Variants in MTFR1 observed in about 807,000 individuals in gnomAD.
MTFR1 encodes mitochondrial fission regulator 1.
Under a neutral mutation model 38.8 loss-of-function variants are expected in MTFR1, and 28 were observed. The observed-to-expected ratio is 0.72, with a 90% CI of 0.53 to 0.99. The LOEUF is 0.99. Among genes scored for constraint, MTFR1 ranks in the 50% least tolerant of loss-of-function variants. The pLI is 0.00. For synonymous variants in MTFR1, 145 were observed against 137.0 expected (o/e 1.06, Z -0.41); for missense variants, 358 against 395.5 (o/e 0.91, Z 0.81).
chr8:65,767,328 G>A (rs1808840977), intron 3 of MTFR1, among the ~76,000 whole-genome samples: 1 of 152,186 alleles, frequency 6.6e-6, no homozygotes, highest in South Asian at 2.1e-4. Flanking sequence ...CAGAGACTGT[G>A]CTTTCTGTTG....
intron 6 of MTFR1, among the ~76,000 whole-genome samples, 182 bp downstream of exon 6, chr8:65,707,438 T>G (rs942699012): frequency 2.0e-5 from 3 of 152,256 alleles, no homozygotes; most frequent in Non-Finnish European, 4.4e-5. Flanking sequence ...AAGCTAACAT[T>G]TCCCAGGTGA....
intron 5 of MTFR1, among the ~76,000 whole-genome samples, chr8:65,705,354 G>T (rs1805753949): frequency 6.6e-6 from 1 of 152,082 alleles, no homozygotes; most frequent in Non-Finnish European, 1.5e-5. Flanking sequence ...AAAAAAACCA[G>T]GTGTCAGTCC....
intron 2 of MTFR1, among the ~76,000 whole-genome samples, chr8:65,675,636 C>T (rs1804690523): frequency 1.3e-5 from 2 of 152,008 alleles, no homozygotes; most frequent in East Asian, 1.9e-4. Flanking sequence ...TTATAAATAC[C>T]TTAACTCATT....
At chr8:65,744,468 C>T (rs902554539) in intron 3 of MTFR1, among the ~76,000 whole-genome samples, 7 of 151,966 alleles carry the variant, frequency 4.6e-5, no homozygotes, top group South Asian at 4.1e-4. Context: ...TGTTTCTGTC[C>T]GCAAAGAGAA....
chr8:65,713,889 T>C (rs1395998461), downstream of MTFR1, among the ~76,000 whole-genome samples: 1 of 152,076 alleles, frequency 6.6e-6, no homozygotes. Context: ...GGTTTCGCCA[T>C]GTTGGCCAGG....
At chr8:65,686,124 G>A (rs1327418612) in intron 3 of MTFR1, among the ~76,000 whole-genome samples, 2 of 152,102 alleles carry the variant, frequency 1.3e-5, no homozygotes, top group Admixed American at 6.6e-5. Context: ...AAATTTAACC[G>A]TGTGTTTCAA....
At chr8:65,755,668 T>C (rs1025613109) in intron 3 of MTFR1, among the ~76,000 whole-genome samples, 1 of 152,260 alleles carries the variant, frequency 6.6e-6, no homozygotes, top group Non-Finnish European at 1.5e-5. Flanking sequence ...ACCAAAAATA[T>C]AACACTGGTT....
intron 3 of MTFR1, among the ~76,000 whole-genome samples, chr8:65,687,475 AG>A (rs2129054839): frequency 6.6e-6 from 1 of 151,642 alleles, no homozygotes; most frequent in Non-Finnish European, 1.5e-5. Flanking sequence ...CCTTCCAAGT[AG>A]CTGGGGCTAC....
chr8:65,741,987 T>C (rs574755538), intron 3 of MTFR1, among the ~76,000 whole-genome samples: 1 of 152,274 alleles, frequency 6.6e-6, no homozygotes, highest in South Asian at 2.1e-4. Flanking sequence ...GTACTACCCA[T>C]ATGTAATTGA....
downstream of MTFR1, among the ~76,000 whole-genome samples, chr8:65,711,008 G>T (rs1056733807): frequency 2.6e-5 from 4 of 152,188 alleles, no homozygotes; most frequent in Non-Finnish European, 5.9e-5. Flanking sequence ...GAGAGAGAGA[G>T]AGAGAGAATA....
intron 1 of MTFR1, among the ~76,000 whole-genome samples, chr8:65,662,246 C>G (rs971986335): frequency 6.6e-6 from 1 of 152,090 alleles, no homozygotes; most frequent in African/African-American, 2.4e-5. Flanking sequence ...TGCAGGCGCG[C>G]GCCGCCACGC....
chr8:65,725,954 G>T (rs903179010), intron 3 of MTFR1, among the ~76,000 whole-genome samples: 5 of 152,044 alleles, frequency 3.3e-5, no homozygotes, highest in South Asian at 2.1e-4. Context: ...CAGAAGTATT[G>T]TCATACTCCA....
At chr8:65,664,820 T>C (rs1011835433) in intron 1 of MTFR1, among the ~76,000 whole-genome samples, 2 of 151,958 alleles carry the variant, frequency 1.3e-5, no homozygotes, top group Non-Finnish European at 2.9e-5. Flanking sequence ...ACTCCTAACC[T>C]TAGGTGATCT....
At chr8:65,695,723 C>T (rs1310540285) in intron 4 of MTFR1, among the ~76,000 whole-genome samples, 1 of 152,026 alleles carries the variant, frequency 6.6e-6, no homozygotes, top group Non-Finnish European at 1.5e-5. Context: ...GTAGTCTAGT[C>T]TGGAATATAT....
At chr8:65,734,394 T>C (rs553901506) in intron 3 of MTFR1, among the ~76,000 whole-genome samples, 5 of 152,198 alleles carry the variant, frequency 3.3e-5, no homozygotes, top group Non-Finnish European at 7.4e-5. Context: ...TTCAGGCTTT[T>C]GGTCTTGATA....
chr8:65,749,712 A>G (rs1462695290), intron 3 of MTFR1, among the ~76,000 whole-genome samples: 1 of 152,238 alleles, frequency 6.6e-6, no homozygotes, highest in African/African-American at 2.4e-5. Flanking sequence ...CCTACAAGAA[A>G]TTAAATAACT....
intron 3 of MTFR1, among the ~76,000 whole-genome samples, chr8:65,750,525 T>TGA (rs1435339069): frequency 6.6e-6 from 1 of 151,558 alleles, no homozygotes; most frequent in African/African-American, 2.4e-5. Context: ...TGTGTGTGTG[T>TGA]GAGACAGAGA....
intron 3 of MTFR1, chr8:65,727,152 T>A: frequency 7.3e-7 from 1 of 1,365,684 alleles, no homozygotes; most frequent in South Asian, 1.2e-5. Context: ...TAAATCTTGA[T>A]GATAAAATTG....
At chr8:65,764,170 T>A (rs932389329) in intron 3 of MTFR1, among the ~76,000 whole-genome samples, 3 of 152,150 alleles carry the variant, frequency 2.0e-5, no homozygotes, top group African/African-American at 7.2e-5. Flanking sequence ...GGAGCATGGG[T>A]GATAGAAAAG....
Sources: gnomAD v4.1 joint callset for allele counts (sites outside exome capture counted in the v4.1 genomes callset) on GRCh38, gnomAD v4.1.1 for gene constraint, MANE v1.5 for transcripts, NCBI Gene and HGNC (gene_info 2026-07-23, HGNC 2026-07-21) for gene names.